The following TLL2 variants were observed in gnomAD, a reference collection of about 807,000 sequenced individuals.
The protein encoded by TLL2 is tolloid like 2, also known as tolloid-like protein 2.
A neutral mutation model predicts 123.0 loss-of-function variants in TLL2; 106 were observed. The ratio of observed to expected loss-of-function variants is 0.86; its 90% CI spans 0.74 to 1.01. TLL2 has a LOEUF of 1.01. TLL2 is among the 50% of genes least tolerant of loss of function. The pLI, the probability that TLL2 is intolerant of heterozygous loss-of-function variation, is 0.00. For synonymous variants in TLL2, 494 were observed against 516.8 expected (o/e 0.96, Z 0.60); for missense variants, 1,332 against 1,336.7 (o/e 1.00, Z 0.06).
At chr10:96,480,512 G>T (rs1847302304) in intron 1 of TLL2, 53 bp from the exon 2 acceptor site, 2 of 1,420,686 alleles carry the variant, frequency 1.4e-6, no homozygotes, top group Non-Finnish European at 2.0e-6. Context: ...CAAGAAAAAT[G>T]GATTCACTAA....
At chr10:96,431,650 G>C (rs759671605) in intron 4 of TLL2, among the ~76,000 whole-genome samples, 14 of 152,196 alleles carry the variant, frequency 9.2e-5, no homozygotes, top group Non-Finnish European at 1.6e-4. Flanking sequence ...TACGGAAGCA[G>C]AAATGAGACA....
At position 96,404,224 on chromosome 10, in the gene TLL2, T is replaced by C. The variant is rs563695408; in HGVS notation, c.1267+1008A>G. Among the ~76,000 whole-genome samples, 381 of 146,762 alleles carry C rather than the reference T, an allele frequency of 2.6e-3. 4 individuals carry two copies. In the South Asian group the frequency reaches 0.032, roughly 12 times the overall value. On this transcript the variant is annotated intron_variant, in intron 10 of 20. Transcript: ENST00000357947. ...TCTTTTCTCAGTCTCTCATCCCACC[T>C]GACTAGAAATACCCACAGGTGTGGA...
At chr10:96,449,553 G>A (rs888904951) in intron 2 of TLL2, among the ~76,000 whole-genome samples, 2 of 152,134 alleles carry the variant, frequency 1.3e-5, no homozygotes, top group Non-Finnish European at 2.9e-5. Flanking sequence ...ACTGTCTACC[G>A]GGGACCTACC....
intron 11 of TLL2, among the ~76,000 whole-genome samples, chr10:96,396,808 A>C (rs1378496909): frequency 6.6e-6 from 1 of 152,184 alleles, no homozygotes; most frequent in East Asian, 1.9e-4. Context: ...CAAAGGAAAC[A>C]AACAGAGGCC....
At chr10:96,496,853 C>G (rs1196821570) in intron 1 of TLL2, among the ~76,000 whole-genome samples, 6 of 152,174 alleles carry the variant, frequency 3.9e-5, no homozygotes, top group Admixed American at 3.9e-4. Flanking sequence ...TCTTTGAGCA[C>G]TGTAAGGTGA....
intron 8 of TLL2, 53 bp downstream of exon 8, chr10:96,413,139 T>C (rs1846522881): frequency 4.4e-6 from 7 of 1,603,058 alleles, no homozygotes; most frequent in Non-Finnish European, 8.5e-7. Context: ...GCATAGGGAC[T>C]GTGCTTTGGA....
At chr10:96,501,411 C>T (rs1847532082) in intron 1 of TLL2, among the ~76,000 whole-genome samples, 2 of 152,220 alleles carry the variant, frequency 1.3e-5, no homozygotes, top group African/African-American at 4.8e-5. Context: ...CCTGCATCCT[C>T]ATGCTCCAGG....
intron 11 of TLL2, 86 bp downstream of exon 11, chr10:96,397,100 C>T: frequency 4.7e-6 from 6 of 1,280,310 alleles, no homozygotes; most frequent in Non-Finnish European, 6.6e-6. Context: ...CCTGGAGTGT[C>T]TGGGCTGGGA....
intron 1 of TLL2, among the ~76,000 whole-genome samples, chr10:96,508,249 C>T (rs921256938): frequency 1.3e-5 from 2 of 152,174 alleles, no homozygotes; most frequent in Non-Finnish European, 2.9e-5. Context: ...TTTAGGAGTC[C>T]CTGGCACACT....
chr10:96,382,327 C>G (rs932421912), intron 16 of TLL2, among the ~76,000 whole-genome samples: 1 of 152,226 alleles, frequency 6.6e-6, no homozygotes, highest in Non-Finnish European at 1.5e-5. Context: ...CCATGCCCGG[C>G]CATGAATTTC....
rs1428311988 is a variant in TLL2, at chr10:96,370,100, AG to A, written c.2877del (p.Ser960GlnfsTer14). The A allele has an allele frequency of 6.2e-7, 1 of 1,610,402 alleles. No homozygotes were observed. Among genetic ancestry groups the A allele is most frequent in the Non-Finnish European group, 8.5e-7 (1 of 1,178,292 alleles). On this transcript the variant is annotated frameshift_variant, in exon 20 of 21. Coordinates refer to ENST00000357947, the MANE Select transcript of TLL2 (RefSeq NM_012465.4). LOFTEE classifies it high-confidence loss of function. ...DYMEAYDGYD[S>X]SAPRLGRFCG... ...CAGAAGCGGCCGAGCCTGGGCGCTG[AG>A]CTGTCGTAGCCGTCGTAGGCTTCCA...
rs1419037551 is a variant in TLL2 at position 96,422,875 on chromosome 10, C to A, written c.639-148G>T. Reference sequence around the variant, plus strand: ...GGGTGCAGTGGCTTACGCCTGTAATCCCAGAACTTTGGGAGGCCGAGGTGG... The same window carrying A: ...GGGTGCAGTGGCTTACGCCTGTAATACCAGAACTTTGGGAGGCCGAGGTGG... On this transcript the variant is annotated intron_variant, in intron 5 of 20. Transcript: ENST00000357947. The A allele has an allele frequency of 5.1e-6, 5 of 973,086 alleles. No homozygotes were observed. In the East Asian group the frequency reaches 7.9e-5, roughly 15 times the overall value. 60.3% of individuals were successfully genotyped at this position (973,086 alleles called of 1,614,324 possible). A position where few individuals can be genotyped will look rare whatever the true frequency, so the allele number is the denominator to read the frequency against.
chr10:96,404,305 T>G (rs1052773733), intron 10 of TLL2, among the ~76,000 whole-genome samples: 1 of 150,776 alleles, frequency 6.6e-6, no homozygotes, highest in Non-Finnish European at 1.5e-5. Context: ...TTACACCACC[T>G]GCCCACTGTG....
intron 15 of TLL2, among the ~76,000 whole-genome samples, chr10:96,385,145 GGAA>G (rs1846222184): frequency 6.6e-6 from 1 of 152,160 alleles, no homozygotes; most frequent in Non-Finnish European, 1.5e-5. Flanking sequence ...AGAAGCAAGA[GGAA>G]GAGGAGGAGG....
At chr10:96,465,185 A>G (rs1847116646) in intron 2 of TLL2, among the ~76,000 whole-genome samples, 1 of 151,928 alleles carries the variant, frequency 6.6e-6, no homozygotes, top group South Asian at 2.1e-4. Context: ...GCTCTGTTCA[A>G]GAAGAACTGC....
chr10:96,435,059 T>A (rs1301697467), intron 3 of TLL2, among the ~76,000 whole-genome samples: 1 of 147,252 alleles, frequency 6.8e-6, no homozygotes, highest in Non-Finnish European at 1.5e-5. Flanking sequence ...TGAGACGGAG[T>A]CTTGCTCTGT....
intron 2 of TLL2, among the ~76,000 whole-genome samples, chr10:96,458,979 A>G (rs1847046223): frequency 6.6e-6 from 1 of 152,212 alleles, no homozygotes; most frequent in Non-Finnish European, 1.5e-5. Context: ...AGAGAGCCCA[A>G]TCAGAGTGAT....
intron 2 of TLL2, among the ~76,000 whole-genome samples, chr10:96,458,998 G>A (rs1847046472): frequency 6.6e-6 from 1 of 152,160 alleles, no homozygotes; most frequent in Non-Finnish European, 1.5e-5. Context: ...ATCAACATGA[G>A]ACTTGGAATA....
At position 96,499,156 on chromosome 10, in the gene TLL2, T is replaced by C. The variant is rs144166746; in HGVS notation, c.175+14355A>G. On this transcript the variant is annotated intron_variant, in intron 1 of 20. Coordinates refer to ENST00000357947, the MANE Select transcript of TLL2 (RefSeq NM_012465.4). ...ATTGCTCTTCCTGGTTCCAGTGGTC[T>C]CACCTTGCACCCATGGGAAGGGCTG... 6.8e-3 allele frequency among the ~76,000 whole-genome samples: 1,033 copies of C among 152,312 alleles called. 10 individuals are homozygous for C. Among genetic ancestry groups the C allele is most frequent in the African/African-American group, 0.02 (821 of 41,558 alleles).
Sources: allele counts gnomAD v4.1 joint callset (sites outside exome capture counted in the v4.1 genomes callset), GRCh38; gene constraint gnomAD v4.1.1; transcripts MANE v1.5; gene names NCBI Gene and HGNC (gene_info 2026-07-23, HGNC 2026-07-21).